The following MAML3 variants were observed in gnomAD, a reference collection of about 807,000 sequenced individuals.
MAML3 encodes mastermind-like protein 3.
A neutral mutation model predicts 101.9 loss-of-function variants in MAML3; 27 were observed. The observed-to-expected ratio is 0.27, with a 90% CI of 0.20 to 0.37. The LOEUF is 0.37. Ranked by LOEUF, MAML3 falls within the 10% of genes least tolerant of loss-of-function variation. The pLI, the probability that MAML3 is intolerant of heterozygous loss-of-function variation, is 1.00. For missense variants in MAML3, 1,316 were observed against 1,444.9 expected (o/e 0.91, Z 1.45); for synonymous variants, 501 against 555.9 (o/e 0.90, Z 1.39).
At chr4:139,818,071 G>C (rs1730919428) in intron 2 of MAML3, among the ~76,000 whole-genome samples, 1 of 152,212 alleles carries the variant, frequency 6.6e-6, no homozygotes, top group Admixed American at 6.5e-5. Flanking sequence ...TTCTGATACT[G>C]TAGGCCTGAG....
At chr4:139,902,877 G>T (rs1207191208) in intron 1 of MAML3, among the ~76,000 whole-genome samples, 1 of 152,216 alleles carries the variant, frequency 6.6e-6, no homozygotes, top group Non-Finnish European at 1.5e-5. Context: ...GAGCCCGGGT[G>T]GACCCTTTAG....
At chr4:139,888,293 G>A (rs1272035835) in intron 2 of MAML3, among the ~76,000 whole-genome samples, 6 of 152,204 alleles carry the variant, frequency 3.9e-5, no homozygotes, top group African/African-American at 1.4e-4. Flanking sequence ...ACCTACCCAA[G>A]CACTAGTTAG....
chr4:140,070,227 TC>T (rs1291576243), intron 1 of MAML3, among the ~76,000 whole-genome samples: 1 of 152,224 alleles, frequency 6.6e-6, no homozygotes, highest in African/African-American at 2.4e-5. Context: ...GATTCCAGCT[TC>T]AATATTTCCC....
At chr4:140,125,477 G>A (rs1255194507) in intron 1 of MAML3, among the ~76,000 whole-genome samples, 1 of 152,210 alleles carries the variant, frequency 6.6e-6, no homozygotes, top group African/African-American at 2.4e-5. Context: ...GTTTAAAAAT[G>A]TATTGGTCAT....
chr4:139,842,762 C>CTT (rs71584337), intron 2 of MAML3, among the ~76,000 whole-genome samples: 924 of 30,974 alleles, frequency 0.03, 424 homozygotes, highest in East Asian at 0.088. Flanking sequence ...ATCCGCTTGC[C>CTT]TTTTTTTTTT....
chr4:139,966,346 A>G (rs1339034031), intron 1 of MAML3, among the ~76,000 whole-genome samples: 1 of 152,160 alleles, frequency 6.6e-6, no homozygotes, highest in Non-Finnish European at 1.5e-5. Context: ...GTTTTAACAC[A>G]TGCAGAACAC....
At chr4:139,952,716 A>G (rs1398286039) in intron 1 of MAML3, among the ~76,000 whole-genome samples, 1 of 152,202 alleles carries the variant, frequency 6.6e-6, no homozygotes. Context: ...CTCTTGCTCT[A>G]GAAGGGGATA....
intron 2 of MAML3, among the ~76,000 whole-genome samples, chr4:139,816,666 G>C (rs1354706039): frequency 6.6e-6 from 1 of 152,060 alleles, no homozygotes; most frequent in Non-Finnish European, 1.5e-5. Context: ...CACCACTGAT[G>C]TCAATCCAGT....
intron 2 of MAML3, among the ~76,000 whole-genome samples, chr4:139,801,101 G>A (rs1211244602): frequency 6.6e-6 from 1 of 152,218 alleles, no homozygotes; most frequent in Admixed American, 6.5e-5. Context: ...AGAGTAGCTA[G>A]GAGCTCCCTA....
intron 4 of MAML3, among the ~76,000 whole-genome samples, 184 bp downstream of exon 4, chr4:139,725,567 T>C (rs1728434285): frequency 6.6e-6 from 1 of 152,216 alleles, no homozygotes; most frequent in Non-Finnish European, 1.5e-5. Flanking sequence ...GGTTAATGCC[T>C]GGCACAACAG....
chr4:139,946,923 ACACTCTCTCT>A (rs1295564990), intron 1 of MAML3, among the ~76,000 whole-genome samples: 153 of 62,218 alleles, frequency 2.5e-3, no homozygotes, highest in South Asian at 0.011. Flanking sequence ...ACACACACAC[ACACTCTCTCT>A]CTCTCTCTCT....
intron 2 of MAML3, among the ~76,000 whole-genome samples, chr4:139,758,598 G>A (rs1236881505): frequency 6.6e-6 from 1 of 152,134 alleles, no homozygotes; most frequent in Non-Finnish European, 1.5e-5. Flanking sequence ...CAGGTTTCCT[G>A]CCTCCCCTCC....
At chr4:139,970,578 A>G (rs1489062256) in intron 1 of MAML3, among the ~76,000 whole-genome samples, 2 of 152,208 alleles carry the variant, frequency 1.3e-5, no homozygotes, top group Non-Finnish European at 2.9e-5. Flanking sequence ...CAAGCAGTTT[A>G]GGTAATAGAT....
At chr4:140,112,845 C>T (rs1046391437) in intron 1 of MAML3, among the ~76,000 whole-genome samples, 2 of 152,120 alleles carry the variant, frequency 1.3e-5, no homozygotes, top group African/African-American at 2.4e-5. Flanking sequence ...ATCTGTGACT[C>T]ATCTATGAGA....
rs974713926 is a variant in MAML3 at position 140,139,361 on chromosome 4, A to G, written c.468+13499T>C. ...AACTTTGCCACATTTTTCTTTAAAG[A>G]AACGGTCTGAAACACTCACTTTTTG... On this transcript the variant is annotated intron_variant, in intron 1 of 4. Transcript: ENST00000509479. Among the ~76,000 whole-genome samples, 3 of 152,030 alleles carry G rather than the reference A, an allele frequency of 2.0e-5. No homozygotes were observed. The East Asian group carries it at 5.8e-4, about 29-fold the overall frequency.
chr4:140,150,030 T>C (rs1042994931), intron 1 of MAML3, among the ~76,000 whole-genome samples: 7 of 144,870 alleles, frequency 4.8e-5, no homozygotes, highest in Non-Finnish European at 1.1e-4. Flanking sequence ...TCATCACACA[T>C]ACCAGTGAGA....
chr4:139,820,514 G>A (rs1730956659), intron 2 of MAML3, among the ~76,000 whole-genome samples: 2 of 152,114 alleles, frequency 1.3e-5, no homozygotes, highest in Non-Finnish European at 2.9e-5. Flanking sequence ...CGGGAATGAA[G>A]ACTTATTCTT....
intron 1 of MAML3, among the ~76,000 whole-genome samples, chr4:140,104,455 A>ATG (rs137979621): frequency 1.4e-4 from 10 of 73,618 alleles, no homozygotes; most frequent in Non-Finnish European, 2.0e-4. Context: ...ATATAAATGT[A>ATG]TGTGTGTGTA....
chr4:139,948,638 G>A (rs1733779054), intron 1 of MAML3, among the ~76,000 whole-genome samples: 1 of 152,230 alleles, frequency 6.6e-6, no homozygotes, highest in South Asian at 2.1e-4. Flanking sequence ...CTGAATTATA[G>A]CAAAGCTCCA....
Sources: gnomAD v4.1 joint callset for allele counts (sites outside exome capture counted in the v4.1 genomes callset) on GRCh38, gnomAD v4.1.1 for gene constraint, MANE v1.5 for transcripts, NCBI Gene and HGNC (gene_info 2026-07-23, HGNC 2026-07-21) for gene names.